CACNA1C: variants seen among roughly 807,000 people sequenced by gnomAD.
The protein encoded by CACNA1C is calcium voltage-gated channel subunit alpha1 C, also known as voltage-dependent L-type calcium channel subunit alpha-1C.
CACNA1C carries 30 observed loss-of-function variants against 229.0 expected under a neutral mutation model. The observed-to-expected ratio is 0.13, with a 90% CI of 0.10 to 0.18. CACNA1C has a LOEUF of 0.18. Ranked by LOEUF, CACNA1C falls within the 10% of genes least tolerant of loss-of-function variation. The pLI, the probability that CACNA1C is intolerant of heterozygous loss-of-function variation, is 1.00. For missense variants in CACNA1C, 1,658 were observed against 2,845.0 expected (o/e 0.58, Z 9.49); for synonymous variants, 1,114 against 1,132.5 (o/e 0.98, Z 0.33).
intron 1 of CACNA1C, among the ~76,000 whole-genome samples, chr12:1,994,822 G>C (rs1338456616): frequency 1.3e-5 from 2 of 152,178 alleles, no homozygotes; most frequent in Non-Finnish European, 2.9e-5. Flanking sequence ...AGGCCCAGGG[G>C]ATAAATGTGC....
rs775314673 is a variant in CACNA1C at position 2,457,654 on chromosome 12, G to A, written c.705G>A (p.Ala235=). The A allele has an allele frequency of 1.8e-5, 29 of 1,610,814 alleles. No homozygotes were observed. The highest frequency in any genetic ancestry group is 3.3e-4 in the Middle Eastern group (2 of 6,036). ...GGKGAGFDVK[A]LRAFRVLRPL... is the part of the protein sequence containing the mutation. Reference sequence around the variant, plus strand: ...AAGGGGCCGGATTTGATGTGAAGGCGCTGAGGGCCTTCCGCGTGCTGCGCC... The same window carrying A: ...AAGGGGCCGGATTTGATGTGAAGGCACTGAGGGCCTTCCGCGTGCTGCGCC... The change falls in exon 5 of 47, where the codon GCG becomes GCA. Residue 235 remains alanine (A), a synonymous_variant. Transcript: ENST00000399655.
intron 22 of CACNA1C, among the ~76,000 whole-genome samples, chr12:2,604,549 G>T (rs2074368724): frequency 1.3e-5 from 2 of 152,198 alleles, no homozygotes; most frequent in Admixed American, 1.3e-4. Flanking sequence ...AACGTCTTCA[G>T]CAGGCCTCAT....
At position 2,653,991 on chromosome 12, in the gene CACNA1C, C is replaced by T; in HGVS notation, c.4140+91C>T. On this transcript the variant is annotated intron_variant, in intron 33 of 46. Coordinates refer to ENST00000399655, the MANE Select transcript of CACNA1C (RefSeq NM_000719.7). The surrounding 1 kb of genome is among the most constrained non-coding windows in gnomAD (Gnocchi z 4.7). ...CATTCCCTAACGCCTTCCTCCCTCC[C>T]TTCTCCCTTTCATTCCTGACTGTCC... 2.0e-6 allele frequency: 2 copies of T among 1,022,214 alleles called. No individual in the cohort carries two copies. The allele number at this position is 1,022,214 out of a possible 1,614,324, so 63.3% of individuals were successfully genotyped here.
chr12:2,491,653 AGAGGAGGAGGAGGAG>A (rs901364093), intron 6 of CACNA1C, among the ~76,000 whole-genome samples: 31 of 129,128 alleles, frequency 2.4e-4, no homozygotes, highest in African/African-American at 9.0e-4. Flanking sequence ...AGGAGGAGGA[AGAGGAGGAGGAGGAG>A]GAGCTGCCAC....
intron 3 of CACNA1C, among the ~76,000 whole-genome samples, chr12:2,226,651 C>T (rs540673058): frequency 3.9e-5 from 6 of 152,306 alleles, no homozygotes; most frequent in Non-Finnish European, 7.3e-5. Context: ...TACATAGTGT[C>T]ATTGTTTCCT....
At chr12:2,023,111 C>T (rs1167847843) in intron 1 of CACNA1C, among the ~76,000 whole-genome samples, 4 of 152,136 alleles carry the variant, frequency 2.6e-5, no homozygotes, top group Non-Finnish European at 5.9e-5. Flanking sequence ...TTAACTTGTT[C>T]TGGGTCTGCC....
At chr12:2,307,446 C>T (rs2095128255) in intron 3 of CACNA1C, among the ~76,000 whole-genome samples, 1 of 152,198 alleles carries the variant, frequency 6.6e-6, no homozygotes, top group South Asian at 2.1e-4. Flanking sequence ...AGGACTAGCA[C>T]CCAGCTCCCT....
intron 1 of CACNA1C, 135 bp from the exon 2 acceptor site, chr12:2,115,089 C>A: frequency 1.5e-6 from 1 of 680,726 alleles, no homozygotes; most frequent in Non-Finnish European, 2.4e-6. Flanking sequence ...CATGTTTCCA[C>A]GTGCCACCTC....
At chr12:2,058,542 G>A (rs1032549959) in intron 1 of CACNA1C, among the ~76,000 whole-genome samples, 3 of 152,142 alleles carry the variant, frequency 2.0e-5, no homozygotes, top group African/African-American at 4.8e-5. Context: ...AAAAAAAAAG[G>A]CATGGGGAAT....
chr12:2,359,461 C>G (rs573164673), intron 3 of CACNA1C, among the ~76,000 whole-genome samples: 1 of 152,242 alleles, frequency 6.6e-6, no homozygotes, highest in East Asian at 1.9e-4. Flanking sequence ...GCCCTCTTTC[C>G]CGGATTGCTG....
intron 1 of CACNA1C, among the ~76,000 whole-genome samples, chr12:2,001,958 T>C (rs990918419): frequency 2.0e-5 from 3 of 152,164 alleles, no homozygotes; most frequent in African/African-American, 7.2e-5. Flanking sequence ...AGCTGGAAAA[T>C]ACCAGGGTTA....
intron 29 of CACNA1C, among the ~76,000 whole-genome samples, chr12:2,624,555 G>T (rs761151580): frequency 6.6e-6 from 1 of 152,232 alleles, no homozygotes; most frequent in African/African-American, 2.4e-5. Context: ...GAGCAAGCAA[G>T]AATTTTATTT....
chr12:1,974,542 T>C (rs1422437940), intron 1 of CACNA1C, among the ~76,000 whole-genome samples: 1 of 152,164 alleles, frequency 6.6e-6, no homozygotes, highest in African/African-American at 2.4e-5. Context: ...GACTACTTGT[T>C]AGGCACTGGC....
At chr12:2,476,640 A>C (rs1224300101) in intron 5 of CACNA1C, among the ~76,000 whole-genome samples, 1 of 152,162 alleles carries the variant, frequency 6.6e-6, no homozygotes, top group Non-Finnish European at 1.5e-5. Context: ...TTCTCTTTTC[A>C]ATCCACATTG....
At chr12:2,411,186 A>C (rs2098803517) in intron 3 of CACNA1C, among the ~76,000 whole-genome samples, 1 of 151,692 alleles carries the variant, frequency 6.6e-6, no homozygotes, top group African/African-American at 2.4e-5. Flanking sequence ...CAGGAGCCTC[A>C]CCACTCGAGC....
Position 2,504,578 on chromosome 12 carries a change from C to A in CACNA1C, c.1114-264C>A. Reference sequence around the variant, plus strand: ...TTCTATGTCCTCTCCACAACGCAGCCGAGCAAGGTCTCAGGTTCCACTCCG... The same window carrying A: ...TTCTATGTCCTCTCCACAACGCAGCAGAGCAAGGTCTCAGGTTCCACTCCG... On this transcript the variant is annotated intron_variant, in intron 7 of 46. Coordinates refer to ENST00000399655, the MANE Select transcript of CACNA1C (RefSeq NM_000719.7). The surrounding 1 kb of genome is among the most constrained non-coding windows in gnomAD (Gnocchi z 6.8). 8.1e-7 allele frequency: 1 copy of A among 1,234,148 alleles called. No homozygotes were observed. Among genetic ancestry groups the A allele is most frequent in the Non-Finnish European group, 1.2e-6 (1 of 834,376 alleles). The allele number at this position is 1,234,148 out of a possible 1,614,324, so 76.4% of individuals were successfully genotyped here.
At chr12:2,228,436 T>C (rs1441893711) in intron 3 of CACNA1C, among the ~76,000 whole-genome samples, 1 of 152,214 alleles carries the variant, frequency 6.6e-6, no homozygotes, top group Non-Finnish European at 1.5e-5. Flanking sequence ...TCTGAATCTC[T>C]CTGTCCTTCT....
chr12:2,675,022 C>G (rs2096733033), intron 39 of CACNA1C, among the ~76,000 whole-genome samples: 1 of 152,128 alleles, frequency 6.6e-6, no homozygotes, highest in South Asian at 2.1e-4. Context: ...TGCTCTAAGG[C>G]CCTCAAACGA....
chr12:2,670,425 G>A (rs1352027441), intron 38 of CACNA1C, among the ~76,000 whole-genome samples: 1 of 152,102 alleles, frequency 6.6e-6, no homozygotes, highest in Non-Finnish European at 1.5e-5. Flanking sequence ...TGACATCTGG[G>A]AATTTAATTC....
Sources: gnomAD v4.1 joint callset for allele counts (sites outside exome capture counted in the v4.1 genomes callset) on GRCh38, gnomAD v4.1.1 for gene constraint, Gnocchi (gnomAD v3.1) non-coding constraint, MANE v1.5 for transcripts, NCBI Gene and HGNC (gene_info 2026-07-23, HGNC 2026-07-21) for gene names.